SMYD3: variants seen among roughly 807,000 people sequenced by gnomAD.
The protein encoded by SMYD3 is histone-lysine N-methyltransferase SMYD3.
A neutral mutation model predicts 57.7 loss-of-function variants in SMYD3; 36 were observed. The observed-to-expected ratio is 0.62, with a 90% CI of 0.48 to 0.82. The LOEUF (loss-of-function observed/expected upper bound fraction) is 0.82. Ranked by LOEUF, SMYD3 falls within the 40% of genes least tolerant of loss-of-function variation. The pLI is 0.00. For synonymous variants in SMYD3, 211 were observed against 195.0 expected (o/e 1.08, Z -0.68); for missense variants, 515 against 538.8 (o/e 0.96, Z 0.44).
At position 245,863,822 on chromosome 1, in the gene SMYD3, A is replaced by G. The variant is rs745597165; in HGVS notation, c.878T>C (p.Ile293Thr). ...ACTCCAGTGTGCCTTCAGTTCTTCAATTTTTTTCAGGGATTCTTGAACTTC... is the reference window on the plus strand; with the variant it reads ...ACTCCAGTGTGCCTTCAGTTCTTCAGTTTTTTTCAGGGATTCTTGAACTTC... ...WKEVQESLKK[I>T]EELKAHWKWE... The change falls in exon 9 of 12, where the codon ATT becomes ACT. Residue 293 changes from isoleucine (I) to threonine (T), a missense_variant. Coordinates refer to ENST00000490107, the MANE Select transcript of SMYD3 (RefSeq NM_001167740.2). 17 of 1,613,898 alleles carry G rather than the reference A, an allele frequency of 1.1e-5. No homozygotes were observed. The highest frequency in any genetic ancestry group is 1.7e-5 in the Admixed American group (1 of 59,994).
rs951509489 is a variant in SMYD3, at chr1:246,507,254, G to T, written c.-37C>A. 4.1e-6 allele frequency: 6 copies of T among 1,460,878 alleles called. No individual in the cohort carries two copies. The African/African-American group carries it at 8.8e-5, about 22-fold the overall frequency. 90.5% of individuals were successfully genotyped at this position (1,460,878 alleles called of 1,614,324 possible). A position where few individuals can be genotyped will look rare whatever the true frequency, so the allele number is the denominator to read the frequency against. ...TCCGGCACCTCAGACGGCTACCCGCGTCCAGCAGCGGGCGTCTCACGGGCT... is the reference window on the plus strand; with the variant it reads ...TCCGGCACCTCAGACGGCTACCCGCTTCCAGCAGCGGGCGTCTCACGGGCT... On this transcript the variant is annotated 5_prime_UTR_variant, in exon 1 of 12. Transcript: ENST00000490107.
At position 245,775,238 on chromosome 1, in the gene SMYD3, C is replaced by T. The variant is rs551942713; in HGVS notation, c.1077-11089G>A. Among the ~76,000 whole-genome samples the T allele has an allele frequency of 3.9e-5, 6 of 152,262 alleles. No homozygotes were observed. In the East Asian group the frequency reaches 9.7e-4, roughly 25 times the overall value. ...GGTGTACGCAGCAGGTCATTGAGAACGGGCCATGATGACGATGGCGGTTTT... is the reference window on the plus strand; with the variant it reads ...GGTGTACGCAGCAGGTCATTGAGAATGGGCCATGATGACGATGGCGGTTTT... On this transcript the variant is annotated intron_variant, in intron 10 of 11. Coordinates refer to ENST00000490107, the MANE Select transcript of SMYD3 (RefSeq NM_001167740.2).
rs556137242 is a variant in SMYD3 at position 246,232,807 on chromosome 1, G to T, written c.531+94394C>A. On this transcript the variant is annotated intron_variant, in intron 5 of 11. Coordinates refer to ENST00000490107, the MANE Select transcript of SMYD3 (RefSeq NM_001167740.2). ...AATATATACCACACAGAGAAGAAGCGCTCCTTCAATTCACACTGTGATGAA... is the reference window on the plus strand; with the variant it reads ...AATATATACCACACAGAGAAGAAGCTCTCCTTCAATTCACACTGTGATGAA... 2.4e-5 allele frequency among the ~76,000 whole-genome samples: 3 copies of T among 124,240 alleles called. 1 individual carries two copies. In the East Asian group the frequency reaches 1.2e-3, roughly 51 times the overall value. The allele number at this position is 124,240 out of a possible 152,430, so 81.5% of individuals were successfully genotyped here.
chr1:245,915,543 TG>T lies in SMYD3; in HGVS notation c.799del (p.Gln267LysfsTer10). 1 of 1,613,128 alleles carries T rather than the reference TG, an allele frequency of 6.2e-7. No individual in the cohort carries two copies. The highest frequency in any genetic ancestry group is 8.5e-7 in the Non-Finnish European group (1 of 1,179,156). On this transcript the variant is annotated frameshift_variant, in exon 8 of 12. Transcript: ENST00000490107. LOFTEE classifies it high-confidence loss of function. ...YCFECDCFRCQTQDKDADMLT... is the reference protein window; with the variant it reads ...YCFECDCFRCXTQDKDADMLT... ...CATACTACATACCTTGTCCTGGGTT[TG>T]GCAACGGAAACAGTCACATTCAAAG...
intron 1 of SMYD3, among the ~76,000 whole-genome samples, chr1:246,465,665 A>G (rs1220988489): frequency 1.3e-5 from 2 of 152,202 alleles, no homozygotes; most frequent in African/African-American, 4.8e-5. Context: ...TAGTGAGACC[A>G]TATGTCTACA....
At chr1:246,334,702 C>G (rs1406116852) in intron 3 of SMYD3, among the ~76,000 whole-genome samples, 1 of 152,026 alleles carries the variant, frequency 6.6e-6, no homozygotes, top group Non-Finnish European at 1.5e-5. Context: ...CACATGTACC[C>G]CCTGAATCTA....
At chr1:246,357,741 C>T (rs2065929182) in intron 1 of SMYD3, among the ~76,000 whole-genome samples, 1 of 152,156 alleles carries the variant, frequency 6.6e-6, no homozygotes, top group Non-Finnish European at 1.5e-5. Flanking sequence ...AAGTAAGATA[C>T]AGTCTTTTAA....
At chr1:245,846,100 G>A (rs1255058715) in intron 10 of SMYD3, among the ~76,000 whole-genome samples, 1 of 152,206 alleles carries the variant, frequency 6.6e-6, no homozygotes, top group Non-Finnish European at 1.5e-5. Flanking sequence ...ATGGGGTGGG[G>A]GGGAAGAAGC....
intron 5 of SMYD3, among the ~76,000 whole-genome samples, chr1:245,995,161 C>T (rs187620598): frequency 6.6e-6 from 1 of 152,252 alleles, no homozygotes; most frequent in East Asian, 1.9e-4. Context: ...AAATAAAACA[C>T]CACTTACCTA....
intron 8 of SMYD3, among the ~76,000 whole-genome samples, chr1:245,895,484 T>C (rs1253292953): frequency 6.6e-6 from 1 of 151,072 alleles, no homozygotes; most frequent in Non-Finnish European, 1.5e-5. Context: ...ACAATTTATC[T>C]AGCAAAATAG....
chr1:246,305,059 A>G (rs2064956920), intron 5 of SMYD3, among the ~76,000 whole-genome samples: 2 of 152,218 alleles, frequency 1.3e-5, no homozygotes, highest in South Asian at 4.1e-4. Flanking sequence ...TGGAATAAGG[A>G]GCATGTGTTA....
intron 8 of SMYD3, among the ~76,000 whole-genome samples, chr1:245,878,133 G>A (rs575028094): frequency 5.6e-4 from 86 of 152,300 alleles, no homozygotes; most frequent in African/African-American, 1.9e-3. Flanking sequence ...CAGAGAGAGC[G>A]TGCTTTGGGG....
At chr1:246,043,840 A>G (rs2059918184) in intron 5 of SMYD3, among the ~76,000 whole-genome samples, 1 of 152,132 alleles carries the variant, frequency 6.6e-6, no homozygotes, top group Non-Finnish European at 1.5e-5. Flanking sequence ...CTGGAGTTGG[A>G]GTTAGAGCCC....
At position 246,037,762 on chromosome 1, in the gene SMYD3, C is replaced by A. The variant is rs528206882; in HGVS notation, c.532-107825G>T. Among the ~76,000 whole-genome samples, 6 of 152,342 alleles carry A rather than the reference C, an allele frequency of 3.9e-5. No homozygotes were observed. In the East Asian group the frequency reaches 1.2e-3, roughly 29 times the overall value. ...GGAGAAGAAGCATTTGTGGAGAAAC[C>A]TGTTTGCTATTGCTTTGTTTTCCTG... On this transcript the variant is annotated intron_variant, in intron 5 of 11. Coordinates refer to ENST00000490107, the MANE Select transcript of SMYD3 (RefSeq NM_001167740.2).
At chr1:246,125,528 T>C (rs1323610164) in intron 5 of SMYD3, among the ~76,000 whole-genome samples, 1 of 151,820 alleles carries the variant, frequency 6.6e-6, no homozygotes, top group East Asian at 1.9e-4. Context: ...AATAAACAAA[T>C]AAAATTTAAA....
chr1:246,068,629 C>T (rs1470723806), intron 5 of SMYD3, among the ~76,000 whole-genome samples: 4 of 152,008 alleles, frequency 2.6e-5, no homozygotes, highest in Admixed American at 6.6e-5. Context: ...TTCCTCATCT[C>T]GACAAAAAGC....
chr1:246,315,620 T>TA (rs1422753873), intron 5 of SMYD3, among the ~76,000 whole-genome samples: 2 of 152,248 alleles, frequency 1.3e-5, no homozygotes, highest in Non-Finnish European at 2.9e-5. Context: ...GACACGCTGA[T>TA]ACGTTGTTGG....
At chr1:246,235,997 G>GTA (rs1027247577) in intron 5 of SMYD3, among the ~76,000 whole-genome samples, 2 of 152,108 alleles carry the variant, frequency 1.3e-5, no homozygotes, top group African/African-American at 2.4e-5. Flanking sequence ...ACTCTACAGA[G>GTA]TAAAGACTTA....
intron 5 of SMYD3, among the ~76,000 whole-genome samples, chr1:245,954,165 C>G (rs1351846640): frequency 6.6e-6 from 1 of 152,208 alleles, no homozygotes; most frequent in Non-Finnish European, 1.5e-5. Flanking sequence ...TGTATTTCTC[C>G]TTAGTCCTTA....
Sources: allele counts gnomAD v4.1 joint callset (sites outside exome capture counted in the v4.1 genomes callset), GRCh38; gene constraint gnomAD v4.1.1; transcripts MANE v1.5; gene names NCBI Gene and HGNC (gene_info 2026-07-23, HGNC 2026-07-21).